The following R3HDM1 variants were observed in gnomAD, a reference collection of about 807,000 sequenced individuals.
R3HDM1 encodes R3H domain-containing protein 1.
Under a neutral mutation model 141.1 loss-of-function variants are expected in R3HDM1, and 46 were observed. The observed-to-expected ratio is 0.33, with a 90% CI of 0.26 to 0.42. The LOEUF is 0.42. Among genes scored for constraint, R3HDM1 ranks in the 10% least tolerant of loss-of-function variants. The pLI is 1.00. For missense variants in R3HDM1, 1,184 were observed against 1,368.3 expected (o/e 0.87, Z 2.12); for synonymous variants, 435 against 472.9 (o/e 0.92, Z 1.04).
chr2:135,533,872 T>C (rs1695481638), intron 1 of R3HDM1: 1 of 577,330 alleles, frequency 1.7e-6, no homozygotes, highest in Middle Eastern at 9.0e-4. Flanking sequence ...AAACTCCATC[T>C]TAAAAAGAAA....
intron 19 of R3HDM1, among the ~76,000 whole-genome samples, chr2:135,662,156 G>A (rs2066810688): frequency 6.6e-6 from 1 of 152,168 alleles, no homozygotes; most frequent in African/African-American, 2.4e-5. Context: ...TCTAGGAGTT[G>A]AAGTGGAATT....
Position 135,620,684 on chromosome 2 carries a change from G to A in R3HDM1, c.304-810G>A, listed in dbSNP as rs900196993. On this transcript the variant is annotated intron_variant, in intron 5 of 26. Transcript: ENST00000683871. Reference sequence around the variant, plus strand: ...TACACTTTTATCTTTAGTAAAACTGGTGTAGAATTTATTATAGCTTTCTTT... The same window carrying A: ...TACACTTTTATCTTTAGTAAAACTGATGTAGAATTTATTATAGCTTTCTTT... 6 of 946,308 alleles carry A rather than the reference G, an allele frequency of 6.3e-6. 1 individual carries two copies. In the South Asian group the frequency reaches 1.5e-4, roughly 23 times the overall value. The allele number at this position is 946,308 out of a possible 1,614,324, so 58.6% of individuals were successfully genotyped here.
intron 2 of R3HDM1, 26 bp downstream of exon 2, chr2:135,602,734 A>G: frequency 6.9e-7 from 1 of 1,445,106 alleles, no homozygotes; most frequent in South Asian, 1.5e-5. Flanking sequence ...CATTCAGAAA[A>G]ACATATTTTT....
At position 135,715,628 on chromosome 2, in the gene R3HDM1, G is replaced by A. The variant is rs1399342451; in HGVS notation, c.2815G>A (p.Val939Ile). 1 of 1,613,866 alleles carries A rather than the reference G, an allele frequency of 6.2e-7. No individual in the cohort carries two copies. The highest frequency in any genetic ancestry group is 8.5e-7 in the Non-Finnish European group (1 of 1,179,952). ...APAQLSTLKT[V>I]RPSGPPLSIM... ...AGCTCAGCTGTCCACCCTGAAAACTGTACGTCCCTCTGGACCACCACTTTC... is the reference window on the plus strand; with the variant it reads ...AGCTCAGCTGTCCACCCTGAAAACTATACGTCCCTCTGGACCACCACTTTC... The change falls in exon 24 of 27, where the codon GTA becomes ATA. Residue 939 changes from valine to isoleucine, a missense_variant. Physicochemically the swap from Val to Ile is conservative, Grantham distance 29 (BLOSUM62 3). Coordinates refer to ENST00000683871, the MANE Select transcript of R3HDM1 (RefSeq NM_001378107.1).
At chr2:135,670,326 C>G in intron 19 of R3HDM1, 6 of 985,166 alleles carry the variant, frequency 6.1e-6, no homozygotes, top group Non-Finnish European at 7.2e-6. Context: ...AGAGTTTGCT[C>G]TAAAATGTTT....
intron 3 of R3HDM1, among the ~76,000 whole-genome samples, chr2:135,613,713 G>A (rs761406426): frequency 1.3e-5 from 2 of 152,186 alleles, no homozygotes; most frequent in Non-Finnish European, 2.9e-5. Context: ...CTACTTGGGA[G>A]GCTGAGGCAG....
chr2:135,616,306 G>A lies in R3HDM1; in HGVS notation c.213+113G>A, dbSNP rs956080793. 1.0e-5 allele frequency: 11 copies of A among 1,081,474 alleles called. No homozygotes were observed. The African/African-American group carries it at 1.5e-4, about 14-fold the overall frequency. 67.0% of individuals were successfully genotyped at this position (1,081,474 alleles called of 1,614,324 possible). On this transcript the variant is annotated intron_variant, in intron 4 of 26. Coordinates refer to ENST00000683871, the MANE Select transcript of R3HDM1 (RefSeq NM_001378107.1). ...TTTAGTTCTTCCATATTTTATGGGG[G>A]GCAGAAAGCTTATTTTGTTTTATTT...
intron 1 of R3HDM1, among the ~76,000 whole-genome samples, chr2:135,546,846 A>G (rs1211495370): frequency 6.6e-6 from 1 of 151,946 alleles, no homozygotes; most frequent in Admixed American, 6.6e-5. Flanking sequence ...TAATTTTTGT[A>G]TTTTTAGTAG....
At position 135,724,132 on chromosome 2, in the gene R3HDM1, G is replaced by A. The variant is rs2076972231; in HGVS notation, c.3245G>A (p.Ser1082Asn). 1.2e-6 allele frequency: 2 copies of A among 1,613,892 alleles called. No individual in the cohort carries two copies. The highest frequency in any genetic ancestry group is 3.3e-5 in the Admixed American group (2 of 59,984). ...GCCAACCCTGAACGCTCTAAACCCAGTGACTTGGCCTCCACCTACACCGTC... is the reference window on the plus strand; with the variant it reads ...GCCAACCCTGAACGCTCTAAACCCAATGACTTGGCCTCCACCTACACCGTC... Reference protein sequence around the residue: ...NTANPERSKPSDLASTYTVLA... With the variant: ...NTANPERSKPNDLASTYTVLA... The change falls in exon 27 of 27, where the codon AGT becomes AAT. Residue 1082 changes from serine (S) to asparagine (N), a missense_variant. Around this residue, in one of 5 missense-constraint regions of R3HDM1, gnomAD observed 182 missense variants for 252.6 expected, o/e 0.72. Transcript: ENST00000683871.
At chr2:135,720,187 C>T (rs2076569429) in intron 24 of R3HDM1, among the ~76,000 whole-genome samples, 1 of 152,208 alleles carries the variant, frequency 6.6e-6, no homozygotes, top group Admixed American at 6.5e-5. Context: ...CTTTGCATCT[C>T]TGATCTCAGT....
chr2:135,555,419 G>A (rs1700565688), intron 1 of R3HDM1, among the ~76,000 whole-genome samples: 1 of 152,106 alleles, frequency 6.6e-6, no homozygotes, highest in African/African-American at 2.4e-5. Flanking sequence ...AGTTGAAAAG[G>A]ATGTAGACAA....
intron 1 of R3HDM1, chr2:135,581,487 C>CT (rs1706789872): frequency 1.3e-6 from 1 of 779,572 alleles, no homozygotes; most frequent in African/African-American, 1.9e-5. Context: ...ACCTGACTGA[C>CT]TAATACCACA....
At chr2:135,709,951 TA>T in intron 22 of R3HDM1, 107 bp from the exon 23 acceptor site, 4 of 1,193,120 alleles carry the variant, frequency 3.4e-6, no homozygotes, top group Non-Finnish European at 4.6e-6. Flanking sequence ...TAGTTAATAG[TA>T]AAATTTTATT....
chr2:135,685,130 T>C (rs1027765132), intron 21 of R3HDM1, among the ~76,000 whole-genome samples: 4 of 152,296 alleles, frequency 2.6e-5, no homozygotes, highest in Middle Eastern at 3.4e-3. Flanking sequence ...ACATCCTGTT[T>C]TGTTTTTCTA....
intron 21 of R3HDM1, among the ~76,000 whole-genome samples, chr2:135,696,419 C>T (rs975043411): frequency 6.6e-6 from 1 of 152,252 alleles, no homozygotes; most frequent in African/African-American, 2.4e-5. Flanking sequence ...ATACATAAAA[C>T]TCTTTAAATT....
chr2:135,641,269 G>C (rs2063761628), intron 14 of R3HDM1, among the ~76,000 whole-genome samples: 1 of 152,118 alleles, frequency 6.6e-6, no homozygotes, highest in African/African-American at 2.4e-5. Context: ...TGTGCTTTTT[G>C]TGGCTGTCTG....
At position 135,652,566 on chromosome 2, in the gene R3HDM1, A is replaced by C. The variant is rs192675466; in HGVS notation, c.2028+534A>C. ...GATTCAGTTTGCTAATATTTGTTAA[A>C]GATTTTTGCATCTATGTTCATGAAG... On this transcript the variant is annotated intron_variant, in intron 18 of 26. Coordinates refer to ENST00000683871, the MANE Select transcript of R3HDM1 (RefSeq NM_001378107.1). Among the ~76,000 whole-genome samples, 15 of 152,326 alleles carry C rather than the reference A, an allele frequency of 9.8e-5. No individual in the cohort carries two copies. In the East Asian group the frequency reaches 2.7e-3, roughly 27 times the overall value.
intron 20 of R3HDM1, among the ~76,000 whole-genome samples, chr2:135,679,541 T>A (rs1229077957): frequency 6.6e-6 from 1 of 152,210 alleles, no homozygotes; most frequent in East Asian, 1.9e-4. Flanking sequence ...TCCTGCCTGA[T>A]TTTTACTTAG....
At chr2:135,660,261 G>T (rs2066516742) in intron 18 of R3HDM1, among the ~76,000 whole-genome samples, 1 of 151,954 alleles carries the variant, frequency 6.6e-6, no homozygotes, top group South Asian at 2.1e-4. Flanking sequence ...TTTTTGGGGG[G>T]GATTTTGGAA....
Sources: gnomAD v4.1 joint callset for allele counts (sites outside exome capture counted in the v4.1 genomes callset) on GRCh38, gnomAD v4.1.1 for gene constraint, gnomAD v4.1.1 regional missense constraint, MANE v1.5 for transcripts, NCBI Gene and HGNC (gene_info 2026-07-23, HGNC 2026-07-21) for gene names.